The following UBE2F variants were observed in gnomAD, a reference collection of about 807,000 sequenced individuals.
UBE2F encodes the protein ubiquitin conjugating enzyme E2 F (putative).
Under a neutral mutation model 29.6 loss-of-function variants are expected in UBE2F, and 5 were observed. The ratio of observed to expected loss-of-function variants is 0.17; its 90% confidence interval spans 0.09 to 0.36. The LOEUF (loss-of-function observed/expected upper bound fraction) is 0.36, where lower values mean the gene tolerates loss of function less well. Ranked by LOEUF, UBE2F falls within the 10% of genes least tolerant of loss-of-function variation. The pLI, the probability that UBE2F is intolerant of heterozygous loss-of-function variation, is 1.00. For synonymous variants in UBE2F, 66 were observed against 81.8 expected (o/e 0.81, Z 1.04); for missense variants, 141 against 228.5 (o/e 0.62, Z 2.47).
intron 3 of UBE2F, among the ~76,000 whole-genome samples, chr2:237,989,209 G>C (rs2063537240): frequency 6.6e-6 from 1 of 152,100 alleles, no homozygotes; most frequent in South Asian, 2.1e-4. Flanking sequence ...AGAGAACTTA[G>C]GATTGGATGT....
At chr2:238,004,135 G>A (rs1429106972) in intron 4 of UBE2F, among the ~76,000 whole-genome samples, 1 of 152,124 alleles carries the variant, frequency 6.6e-6, no homozygotes, top group Non-Finnish European at 1.5e-5. Context: ...TCATCAAATG[G>A]TAGACATTTG....
At chr2:238,019,654 CTTTTT>C (rs375103007) in intron 5 of UBE2F, among the ~76,000 whole-genome samples, 21 of 78,018 alleles carry the variant, frequency 2.7e-4, no homozygotes, top group Admixed American at 7.8e-4. Context: ...TGTGCTCAGC[CTTTTT>C]TTTTTTTTTT....
chr2:238,036,750 C>T (rs1049763199), intron 9 of UBE2F, among the ~76,000 whole-genome samples: 5 of 152,122 alleles, frequency 3.3e-5, no homozygotes, highest in African/African-American at 9.7e-5. Flanking sequence ...TGCTTGTGCC[C>T]GGGAAGTTGA....
intron 9 of UBE2F, 105 bp downstream of exon 9, chr2:238,036,045 T>C: frequency 9.6e-7 from 1 of 1,036,494 alleles, no homozygotes; most frequent in Middle Eastern, 2.5e-4. Flanking sequence ...AAGAGAGTGG[T>C]GGGATGCAAG....
In UBE2F at chr2:237,991,609, C is replaced by CTTTCTTTTTTTTTTTTTTTTTTTTTTT. The variant is rs57180067; in HGVS notation, c.149-3132_149-3131insCTTTTTTTTTTTTTTTTTTTTTTTTTT. Among the ~76,000 whole-genome samples the CTTTCTTTTTTTTTTTTTTTTTTTTTTT allele has an allele frequency of 2.8e-4, 15 of 53,048 alleles. 2 individuals are homozygous for CTTTCTTTTTTTTTTTTTTTTTTTTTTT. Among genetic ancestry groups the CTTTCTTTTTTTTTTTTTTTTTTTTTTT allele is most frequent in the Non-Finnish European group, 4.5e-4 (13 of 28,684 alleles). 34.8% of individuals were successfully genotyped at this position (53,048 alleles called of 152,430 possible). ...AACCTTTCTTTTCTTTTCTTTCTTTCTTTTTTTTTTTTTGAGACAGTCTTG... is the reference window on the plus strand; with the variant it reads ...AACCTTTCTTTTCTTTTCTTTCTTTCTTTCTTTTTTTTTTTTTTTTTTTTTTTTTTTTTTTTTTTTGAGACAGTCTTG... On this transcript the variant is annotated intron_variant, in intron 3 of 9. Coordinates refer to ENST00000272930, the MANE Select transcript of UBE2F (RefSeq NM_080678.3).
At chr2:237,972,632 C>A (rs1046752217) in intron 1 of UBE2F, among the ~76,000 whole-genome samples, 6 of 149,556 alleles carry the variant, frequency 4.0e-5, no homozygotes, top group African/African-American at 1.5e-4. Context: ...CTCACGGTAT[C>A]CCCAATCTCC....
intron 2 of UBE2F, among the ~76,000 whole-genome samples, chr2:237,983,567 C>G (rs1161949095): frequency 6.6e-6 from 1 of 152,158 alleles, no homozygotes. Flanking sequence ...CCTCAGCTAG[C>G]CTTTTCATTC....
intron 3 of UBE2F, among the ~76,000 whole-genome samples, chr2:237,992,280 A>G (rs1332405849): frequency 6.6e-6 from 1 of 152,278 alleles, no homozygotes; most frequent in Non-Finnish European, 1.5e-5. Context: ...TGCCAACTTC[A>G]GTGAATCATT....
At chr2:237,988,592 G>C (rs2106343730) in intron 3 of UBE2F, among the ~76,000 whole-genome samples, 1 of 151,066 alleles carries the variant, frequency 6.6e-6, no homozygotes, top group African/African-American at 2.4e-5. Context: ...CTCCAGCCTG[G>C]GTGACAGAAT....
In UBE2F at chr2:238,003,616, C is replaced by A. The variant is rs139281591; in HGVS notation, c.214+8807C>A. ...GTCTCCAGTAAAAATGTATATAGTG[C>A]GTATAAAATCTCCAAAACTGACATA... is the stretch of plus-strand genomic sequence containing the variant. On this transcript the variant is annotated intron_variant, in intron 4 of 9. Transcript: ENST00000272930. The A allele has an allele frequency of 2.0e-3, 399 of 201,306 alleles. 4 individuals are homozygous for A. The highest frequency in any genetic ancestry group is 8.5e-3 in the African/African-American group (373 of 43,674). 12.5% of individuals were successfully genotyped at this position (201,306 alleles called of 1,614,324 possible).
chr2:237,996,477 T>G (rs1018914562), intron 4 of UBE2F, among the ~76,000 whole-genome samples: 2 of 39,472 alleles, frequency 5.1e-5, no homozygotes, highest in Non-Finnish European at 1.0e-4. Flanking sequence ...CCCCTCCGCG[T>G]TTTTTTTTTT....
At chr2:237,991,345 G>T (rs2063581867) in intron 3 of UBE2F, among the ~76,000 whole-genome samples, 1 of 151,986 alleles carries the variant, frequency 6.6e-6, no homozygotes, top group African/African-American at 2.4e-5. Flanking sequence ...ATTTACAAAG[G>T]CAAACAAAAT....
At position 237,983,167 on chromosome 2, in the gene UBE2F, A is replaced by G. The variant is rs946616086; in HGVS notation, c.119-4796A>G. Among the ~76,000 whole-genome samples, 5 of 152,210 alleles carry G rather than the reference A, an allele frequency of 3.3e-5. No individual in the cohort carries two copies. In the South Asian group the frequency reaches 6.2e-4, roughly 19 times the overall value. On this transcript the variant is annotated intron_variant, in intron 2 of 9. Coordinates refer to ENST00000272930, the MANE Select transcript of UBE2F (RefSeq NM_080678.3). Reference sequence around the variant, plus strand: ...TATTTTTTAATGTAGGGGCCACCACATAAGACTGCCAGGAAGATAGGCTCC... The same window carrying G: ...TATTTTTTAATGTAGGGGCCACCACGTAAGACTGCCAGGAAGATAGGCTCC...
intron 2 of UBE2F, among the ~76,000 whole-genome samples, chr2:237,976,415 A>G (rs1379818808): frequency 2.0e-5 from 3 of 152,254 alleles, no homozygotes; most frequent in East Asian, 1.9e-4. Context: ...CTGAGCACTT[A>G]GGGCCAGGCC....
chr2:237,973,472 G>A (rs1347228267), intron 2 of UBE2F, among the ~76,000 whole-genome samples: 3 of 152,186 alleles, frequency 2.0e-5, no homozygotes, highest in South Asian at 4.1e-4. Context: ...TCTTTGTCAC[G>A]TCTGCCAAAA....
At chr2:238,036,002 C>A in intron 9 of UBE2F, 62 bp downstream of exon 9, 1 of 1,406,260 alleles carries the variant, frequency 7.1e-7, no homozygotes, top group Non-Finnish European at 1.0e-6. Flanking sequence ...TTACTACTGT[C>A]TCTTGATTGG....
chr2:238,021,093 G>C (rs966753301), intron 5 of UBE2F, among the ~76,000 whole-genome samples: 23 of 152,176 alleles, frequency 1.5e-4, no homozygotes, highest in African/African-American at 5.6e-4. Flanking sequence ...GTTGGAGGAA[G>C]CTGTGTGCTG....
chr2:237,990,949 A>G (rs2106347163), intron 3 of UBE2F, among the ~76,000 whole-genome samples: 1 of 152,120 alleles, frequency 6.6e-6, no homozygotes, highest in East Asian at 1.9e-4. Context: ...AACCACAGAA[A>G]AGGTCCCACT....
intron 9 of UBE2F, among the ~76,000 whole-genome samples, 197 bp from the exon 10 acceptor site, chr2:238,041,091 C>G (rs1359463981): frequency 6.6e-6 from 1 of 152,170 alleles, no homozygotes; most frequent in East Asian, 1.9e-4. Flanking sequence ...ATACCCAGCA[C>G]TGTGTCTTGC....
Sources: allele counts gnomAD v4.1 joint callset (sites outside exome capture counted in the v4.1 genomes callset), GRCh38; gene constraint gnomAD v4.1.1; transcripts MANE v1.5; gene names NCBI Gene and HGNC (gene_info 2026-07-23, HGNC 2026-07-21).